ERC2: variants seen among roughly 807,000 people sequenced by gnomAD.
The protein encoded by ERC2 is ERC protein 2.
A neutral mutation model predicts 114.8 loss-of-function variants in ERC2; 42 were observed. That is an observed-to-expected ratio of 0.37 (90% CI 0.29 to 0.47). The LOEUF (loss-of-function observed/expected upper bound fraction) is 0.47. Among genes scored for constraint, ERC2 ranks in the 20% least tolerant of loss-of-function variants. The pLI is 0.99. For missense variants in ERC2, 939 were observed against 1,150.7 expected (o/e 0.82, Z 2.66); for synonymous variants, 454 against 425.5 (o/e 1.07, Z -0.82).
chr3:55,799,412 T>TTATATATATGCATATATATATGTCTTA (rs2070809061), intron 14 of ERC2, among the ~76,000 whole-genome samples: 1 of 107,070 alleles, frequency 9.3e-6, no homozygotes, highest in African/African-American at 5.1e-5. Context: ...TATATATGCC[T>TTATATATATGCATATATATATGTCTTA]TATATATATG....
intron 17 of ERC2, among the ~76,000 whole-genome samples, chr3:55,618,475 A>T (rs1182707254): frequency 2.0e-5 from 3 of 152,252 alleles, no homozygotes; most frequent in Non-Finnish European, 2.9e-5. Flanking sequence ...GTTCACCATT[A>T]ATAACTGGCT....
intron 2 of ERC2, among the ~76,000 whole-genome samples, chr3:56,315,096 C>T (rs1007794880): frequency 1.4e-4 from 21 of 152,300 alleles, no homozygotes; most frequent in South Asian, 8.3e-4. Context: ...CTTACTCCAG[C>T]GGCTCCAAGC....
At chr3:55,735,864 A>G (rs572834745) in intron 14 of ERC2, among the ~76,000 whole-genome samples, 1 of 152,290 alleles carries the variant, frequency 6.6e-6, no homozygotes, top group African/African-American at 2.4e-5. Context: ...CCATCCCACC[A>G]AAAACGATTA....
chr3:55,898,574 C>T (rs76791678), intron 13 of ERC2, among the ~76,000 whole-genome samples: 1,975 of 152,184 alleles, frequency 0.013, 43 homozygotes, highest in African/African-American at 0.045. Flanking sequence ...GTGAGGAATA[C>T]GGGCAGTACA....
chr3:56,010,549 T>C lies in ERC2; in HGVS notation c.1820A>G (p.Asp607Gly), dbSNP rs757908432. Reference protein sequence around the residue: ...IERLKEQRERDDRERLEEIES... With the variant: ...IERLKEQRERGDRERLEEIES... ...TATCTCTTCTAGTCTTTCCCGATCA[T>C]CTCTTTCTCGCTGTTCTTTCAAGCG... Residue 607 changes from aspartate to glycine, a missense_variant, in exon 9 of 18, where the codon GAT becomes GGT. Asp to Gly is a moderately conservative substitution (Grantham distance 94). Around this residue, in one of 5 missense-constraint regions of ERC2, gnomAD observed 149 missense variants for 254.6 expected, o/e 0.59. Transcript: ENST00000288221. 1 of 1,613,614 alleles carries C rather than the reference T, an allele frequency of 6.2e-7. No homozygotes were observed. The highest frequency in any genetic ancestry group is 8.5e-7 in the Non-Finnish European group (1 of 1,179,706).
At chr3:56,225,341 C>T (rs1161625524) in intron 3 of ERC2, among the ~76,000 whole-genome samples, 1 of 152,188 alleles carries the variant, frequency 6.6e-6, no homozygotes, top group African/African-American at 2.4e-5. Context: ...ATAGTTCTCA[C>T]AGAACACAAC....
At chr3:56,193,592 T>C (rs2047923290) in intron 3 of ERC2, among the ~76,000 whole-genome samples, 1 of 152,248 alleles carries the variant, frequency 6.6e-6, no homozygotes, top group Non-Finnish European at 1.5e-5. Context: ...TGTAAATCTG[T>C]ACTTTCTAAA....
chr3:56,171,857 T>A (rs1383769321), intron 4 of ERC2, among the ~76,000 whole-genome samples: 1 of 150,262 alleles, frequency 6.7e-6, no homozygotes, highest in Admixed American at 6.6e-5. Flanking sequence ...TTTTTTTTTT[T>A]CTTAAATGAT....
chr3:55,567,156 A>G lies in ERC2; in HGVS notation c.*40-55880T>C, dbSNP rs536361685. 3.3e-5 allele frequency among the ~76,000 whole-genome samples: 5 copies of G among 152,324 alleles called. No homozygotes were observed. The East Asian group carries it at 5.8e-4, about 18-fold the overall frequency. On this transcript the variant is annotated intron_variant, in intron 17 of 17. Transcript: ENST00000288221. ...AAATATGCAAACAAGATCCTTCCCT[A>G]TGGTTTATTGCCATGAAAGCAACTA... is the stretch of plus-strand genomic sequence containing the variant.
intron 6 of ERC2, among the ~76,000 whole-genome samples, chr3:56,114,461 C>G (rs1028636398): frequency 2.0e-5 from 3 of 152,176 alleles, no homozygotes; most frequent in Admixed American, 2.0e-4. Context: ...GTGGGTATAA[C>G]AGGCATGTCT....
At chr3:55,875,252 G>A (rs2062772359) in intron 14 of ERC2, among the ~76,000 whole-genome samples, 1 of 152,146 alleles carries the variant, frequency 6.6e-6, no homozygotes, top group African/African-American at 2.4e-5. Context: ...CCAAGCTCAG[G>A]GCTCAGTGAA....
chr3:55,686,840 C>T lies in ERC2; in HGVS notation c.2848-2981G>A, dbSNP rs574348029. 3.3e-4 allele frequency among the ~76,000 whole-genome samples: 50 copies of T among 152,278 alleles called. 1 individual carries two copies. In the South Asian group the frequency reaches 7.9e-3, roughly 24 times the overall value. On this transcript the variant is annotated intron_variant, in intron 16 of 17. Coordinates refer to ENST00000288221, the MANE Select transcript of ERC2 (RefSeq NM_015576.3). ...TCCTTTGTGAGTGATTGTTCTGCCACCAGTTGCCAAAATATCTGGATGGGA... is the reference window on the plus strand; with the variant it reads ...TCCTTTGTGAGTGATTGTTCTGCCATCAGTTGCCAAAATATCTGGATGGGA...
intron 13 of ERC2, among the ~76,000 whole-genome samples, chr3:55,946,102 A>T (rs2067111213): frequency 6.6e-6 from 1 of 152,058 alleles, no homozygotes; most frequent in Non-Finnish European, 1.5e-5. Flanking sequence ...AAATAAAAAA[A>T]AAAGGCATCC....
At chr3:56,442,630 G>A (rs769010125) in intron 1 of ERC2, among the ~76,000 whole-genome samples, 1 of 152,138 alleles carries the variant, frequency 6.6e-6, no homozygotes, top group Non-Finnish European at 1.5e-5. Flanking sequence ...TGGGGTTTTC[G>A]TTTTAACCCA....
intron 17 of ERC2, among the ~76,000 whole-genome samples, chr3:55,661,455 C>T (rs145920860): frequency 4.1e-4 from 62 of 152,294 alleles, no homozygotes; most frequent in Admixed American, 1.4e-3. Flanking sequence ...CTCCTCTCCT[C>T]CCCCTTGGGA....
chr3:55,773,603 CTA>C (rs2068383649), intron 14 of ERC2, among the ~76,000 whole-genome samples: 1 of 152,218 alleles, frequency 6.6e-6, no homozygotes, highest in Admixed American at 6.5e-5. Flanking sequence ...AATATCAGCT[CTA>C]TGAGGCAGGA....
intron 3 of ERC2, among the ~76,000 whole-genome samples, chr3:56,188,135 C>T (rs1054634886): frequency 1.1e-4 from 17 of 152,248 alleles, no homozygotes; most frequent in African/African-American, 1.9e-4. Context: ...CTTCTTGAAA[C>T]TCTAAGGTTC....
chr3:56,188,484 G>A (rs946435966), intron 3 of ERC2, among the ~76,000 whole-genome samples: 1 of 152,162 alleles, frequency 6.6e-6, no homozygotes, highest in African/African-American at 2.4e-5. Context: ...GCAGAGGGCG[G>A]CTCCTACACA....
Position 55,665,630 on chromosome 3 carries a change from G to C in ERC2, c.*39+18164C>G, listed in dbSNP as rs141028083. Among the ~76,000 whole-genome samples, 43 of 152,266 alleles carry C rather than the reference G, an allele frequency of 2.8e-4. No individual in the cohort carries two copies. The East Asian group carries it at 8.1e-3, about 29-fold the overall frequency. ...CACCAAACCACCAGAAACTAAAGGA[G>C]AGGCATGGAATAGATTGTCCCTCAC... On this transcript the variant is annotated intron_variant, in intron 17 of 17. Coordinates refer to ENST00000288221, the MANE Select transcript of ERC2 (RefSeq NM_015576.3).
Sources: gnomAD v4.1 joint callset for allele counts (sites outside exome capture counted in the v4.1 genomes callset) on GRCh38, gnomAD v4.1.1 for gene constraint, gnomAD v4.1.1 regional missense constraint, MANE v1.5 for transcripts, NCBI Gene and HGNC (gene_info 2026-07-23, HGNC 2026-07-21) for gene names.